The following HMCN2 variants were observed in gnomAD, a reference collection of about 807,000 sequenced individuals.
HMCN2 encodes the protein hemicentin-2.
A neutral mutation model predicts 377.5 loss-of-function variants in HMCN2; 325 were observed. The observed-to-expected ratio is 0.86, with a 90% CI of 0.79 to 0.94. HMCN2 has a LOEUF of 0.94. Ranked by LOEUF, HMCN2 falls within the 40% of genes least tolerant of loss-of-function variation. The probability of loss-of-function intolerance (pLI) is 0.00; values close to 1 mark genes in which losing one functional copy is unlikely to be tolerated. For missense variants in HMCN2, 4,543 were observed against 4,725.3 expected, an observed-to-expected ratio of 0.96 and a Z score of 1.13; for synonymous variants, 2,007 against 2,046.8, an observed-to-expected ratio of 0.98 and a Z score of 0.53.
At chr9:130,331,028 C>T (rs979211681) in intron 22 of HMCN2, among the ~76,000 whole-genome samples, 9 of 149,682 alleles carry the variant, frequency 6.0e-5, no homozygotes, top group Admixed American at 2.7e-4. Context: ...CGTGGTGGTG[C>T]GCGCCTGTAG....
rs1174957055 is a variant in HMCN2 at position 130,423,572 on chromosome 9, CA to C, written c.13381+847del. Among the ~76,000 whole-genome samples, 2 of 152,216 alleles carry C rather than the reference CA, an allele frequency of 1.3e-5. No individual in the cohort carries two copies. The highest frequency in any genetic ancestry group is 2.4e-5 in the African/African-American group (1 of 41,466). Reference sequence around the variant, plus strand: ...GTGGACCAGGCTTTGTTCCATGAAACAGACGCACAGAGAGGCTGGGAAGGTG... The same window carrying C: ...GTGGACCAGGCTTTGTTCCATGAAACGACGCACAGAGAGGCTGGGAAGGTG... On this transcript the variant is annotated intron_variant, in intron 87 of 97. Transcript: ENST00000683500. The surrounding 1 kb of genome is among the most constrained non-coding windows in gnomAD (Gnocchi z 5.5).
intron 94 of HMCN2, 154 bp from the exon 95 acceptor site, chr9:130,430,130 C>T (rs1321179219): frequency 1.6e-5 from 11 of 675,454 alleles, no homozygotes; most frequent in South Asian, 1.4e-4. Flanking sequence ...GGAGTTGGTC[C>T]GGGAGAGGGG....
At chr9:130,283,793 CA>C in intron 1 of HMCN2, among the ~76,000 whole-genome samples, 1 of 152,244 alleles carries the variant, frequency 6.6e-6, no homozygotes, top group East Asian at 1.9e-4. Context: ...GTGAATTTAC[CA>C]GTTTGTTTAT....
intron 82 of HMCN2, chr9:130,406,593 T>C (rs1447013363): frequency 5.2e-6 from 1 of 191,294 alleles, no homozygotes; most frequent in Admixed American, 5.4e-5. Context: ...TTTGCTGAAT[T>C]GATAAATTGC....
rs916668962 is a variant in HMCN2, at chr9:130,403,182, C to T, written c.11879-12C>T. 1.7e-5 allele frequency: 22 copies of T among 1,287,486 alleles called. No homozygotes were observed. The highest frequency in any genetic ancestry group is 4.6e-5 in the Admixed American group (2 of 43,412). The allele number at this position is 1,287,486 out of a possible 1,614,324, so 79.8% of individuals were successfully genotyped here. On this transcript the variant is annotated splice_polypyrimidine_tract_variant and intron_variant, in intron 78 of 97. Coordinates refer to ENST00000683500, the MANE Select transcript of HMCN2 (RefSeq NM_001291815.2). ...ACATTCTCAGGGCCCTCTGCACCCC[C>T]GTCCTTTGTAGCCTCCCCGGTGGTG...
In HMCN2 at chr9:130,299,174, G is replaced by A. The variant is rs1374023059; in HGVS notation, c.1162G>A (p.Gly388Arg). 4 of 471,074 alleles carry A rather than the reference G, an allele frequency of 8.5e-6. No homozygotes were observed. The highest frequency in any genetic ancestry group is 2.0e-5 in the African/African-American group (1 of 50,136). 29.2% of individuals were successfully genotyped at this position (471,074 alleles called of 1,614,324 possible). ...SNGSTHQLWG[G>R]PPFHTPKERF... Reference sequence around the variant, plus strand: ...TGGCTCCACCCATCAGCTGTGGGGCGGGCCGCCCTTCCACACCCCCAAGGA... The same window carrying A: ...TGGCTCCACCCATCAGCTGTGGGGCAGGCCGCCCTTCCACACCCCCAAGGA... The change falls in exon 8 of 98, where the codon GGG (glycine) becomes AGG (arginine). Residue 388 changes from glycine to arginine, a missense_variant. By Grantham distance (125) the Gly-to-Arg change is moderately radical (BLOSUM62 -2). Transcript: ENST00000683500.
rs915260430 is a variant in HMCN2, at chr9:130,407,655, C to T, written c.12638C>T (p.Ala4213Val). Residue 4213 changes from alanine (A) to valine (V), a missense_variant, in exon 83 of 98, where the codon GCG (alanine) becomes GTG (valine). This residue lies in a region of HMCN2 where 1,073 missense variants were observed against 1,319.5 expected (regional missense o/e 0.81). Coordinates refer to ENST00000683500, the MANE Select transcript of HMCN2 (RefSeq NM_001291815.2). ...GACAGCGGGACCTATGTCTGCTGGG[C>T]GGAGAACAGAGTGGGCCGCACGCAG... is the stretch of plus-strand genomic sequence containing the variant. ...REDSGTYVCW[A>V]ENRVGRTQAV... 2.0e-5 allele frequency: 25 copies of T among 1,281,664 alleles called. No individual in the cohort carries two copies. Among genetic ancestry groups the T allele is most frequent in the Admixed American group, 2.3e-5 (1 of 42,730 alleles). The allele number at this position is 1,281,664 out of a possible 1,614,324, so 79.4% of individuals were successfully genotyped here. A position where few individuals can be genotyped will look rare whatever the true frequency, so the allele number is the denominator to read the frequency against.
rs1245022761 is a variant in HMCN2 at position 130,431,377 on chromosome 9, G to A, written c.14658G>A (p.Glu4886=). ...RQNGVCTDLD[E]CRVRNLCQHA... Reference sequence around the variant, plus strand: ...CCATGCCCGGGCCAGACCTTGACGAGTGCCGCGTGAGGAACCTGTGTCAGC... The same window carrying A: ...CCATGCCCGGGCCAGACCTTGACGAATGCCGCGTGAGGAACCTGTGTCAGC... Residue 4886 remains glutamate, a synonymous_variant, in exon 96 of 98, where the codon GAG becomes GAA. Coordinates refer to ENST00000683500, the MANE Select transcript of HMCN2 (RefSeq NM_001291815.2). 6.5e-7 allele frequency: 1 copy of A among 1,549,836 alleles called. No individual in the cohort carries two copies. The highest frequency in any genetic ancestry group is 1.4e-5 in the African/African-American group (1 of 73,152).
intron 41 of HMCN2, among the ~76,000 whole-genome samples, 159 bp from the exon 42 acceptor site, chr9:130,365,472 G>A (rs1173172060): frequency 1.3e-5 from 2 of 152,214 alleles, no homozygotes; most frequent in Admixed American, 1.3e-4. Context: ...GAAACTTCCC[G>A]GTGCAGCTGG....
In HMCN2 at chr9:130,384,483, T is replaced by A; in HGVS notation, c.8941T>A (p.Tyr2981Asn). The A allele has an allele frequency of 7.7e-7, 1 of 1,304,236 alleles. No homozygotes were observed. The highest frequency in any genetic ancestry group is 1.0e-6 in the Non-Finnish European group (1 of 988,950). The allele number at this position is 1,304,236 out of a possible 1,614,324, so 80.8% of individuals were successfully genotyped here. A position where few individuals can be genotyped will look rare whatever the true frequency, so the allele number is the denominator to read the frequency against. Residue 2981 changes from tyrosine (Y) to asparagine (N), a missense_variant, in exon 58 of 98, where the codon TAC becomes AAC. This residue lies in a region of HMCN2 where 736 missense variants were observed against 773.2 expected (regional missense o/e 0.95). Transcript: ENST00000683500. Reference protein sequence around the residue: ...HAHPNPEVTWYKDSQALSLGE... With the variant: ...HAHPNPEVTWNKDSQALSLGE... ...TCACCCAAACCCCGAGGTCACGTGG[T>A]ACAAGGACAGCCAGGCCCTCTCCCT...
rs578028480 is a variant in HMCN2, at chr9:130,408,701, C to T, written c.12689-42C>T. On this transcript the variant is annotated intron_variant, in intron 83 of 97. Coordinates refer to ENST00000683500, the MANE Select transcript of HMCN2 (RefSeq NM_001291815.2). The stretch of plus-strand genomic sequence containing the variant: ...GTTTATGGGAGGCTGAGCCAGCAGG[C>T]AACCTCTTTTCTGACAACTTGCTCG... 4.4e-5 allele frequency: 55 copies of T among 1,262,520 alleles called. No homozygotes were observed. The East Asian group carries it at 2.0e-3, about 47-fold the overall frequency. The allele number at this position is 1,262,520 out of a possible 1,614,324, so 78.2% of individuals were successfully genotyped here.
At chr9:130,373,205 C>T (rs2131603879) in intron 48 of HMCN2, 81 bp downstream of exon 48, 1 of 394,150 alleles carries the variant, frequency 2.5e-6, no homozygotes, top group Non-Finnish European at 3.5e-6. Flanking sequence ...GGGGATCTGC[C>T]CACCTGCCCC....
chr9:130,265,871 C>T lies in HMCN2; in HGVS notation c.-8C>T, dbSNP rs1834062203. 2.9e-6 allele frequency: 1 copy of T among 349,172 alleles called. No homozygotes were observed. Among genetic ancestry groups the T allele is most frequent in the Non-Finnish European group, 5.6e-6 (1 of 178,960 alleles). 21.6% of individuals were successfully genotyped at this position (349,172 alleles called of 1,614,324 possible). ...ACCGCAGCACCCGCAGCCAGAGCCGCGCTCGGCATGATGCCCGGGGCGCCG... is the reference window on the plus strand; with the variant it reads ...ACCGCAGCACCCGCAGCCAGAGCCGTGCTCGGCATGATGCCCGGGGCGCCG... On this transcript the variant is annotated 5_prime_UTR_variant, in exon 1 of 98. Transcript: ENST00000683500.
At chr9:130,417,553 G>C (rs1295745132) in intron 85 of HMCN2, among the ~76,000 whole-genome samples, 1 of 150,550 alleles carries the variant, frequency 6.6e-6, no homozygotes, top group Non-Finnish European at 1.5e-5. Context: ...AAAAACGAGA[G>C]AGACAGAGAG....
At position 130,428,499 on chromosome 9, in the gene HMCN2, G is replaced by T. The variant is rs770838011; in HGVS notation, c.14197+10G>T. On this transcript the variant is annotated intron_variant, in intron 93 of 97. Coordinates refer to ENST00000683500, the MANE Select transcript of HMCN2 (RefSeq NM_001291815.2). The surrounding 1 kb of genome is among the most constrained non-coding windows in gnomAD (Gnocchi z 5.0). ...GGGGCCGGCTGTGAAGGTGATGGGGGCACAGCATGCGGCCTGTCCATACTC... is the reference window on the plus strand; with the variant it reads ...GGGGCCGGCTGTGAAGGTGATGGGGTCACAGCATGCGGCCTGTCCATACTC... 16 of 1,538,084 alleles carry T rather than the reference G, an allele frequency of 1.0e-5. No individual in the cohort carries two copies. The South Asian group carries it at 1.8e-4, about 17-fold the overall frequency.
In HMCN2 at chr9:130,393,373, G is replaced by GC; in HGVS notation, c.10234+70dup. 2 of 957,328 alleles carry GC rather than the reference G, an allele frequency of 2.1e-6. No homozygotes were observed. The highest frequency in any genetic ancestry group is 5.7e-5 in the Admixed American group (1 of 17,428). The allele number at this position is 957,328 out of a possible 1,614,324, so 59.3% of individuals were successfully genotyped here. On this transcript the variant is annotated intron_variant, in intron 67 of 97. Coordinates refer to ENST00000683500, the MANE Select transcript of HMCN2 (RefSeq NM_001291815.2). The surrounding 1 kb of genome is among the most constrained non-coding windows in gnomAD (Gnocchi z 5.2). ...TGGTGGGTGAGAATCAAGGCCCTTG[G>GC]CCCCCCTGCCCTTCTGGGTGGAACC...
At chr9:130,330,216 C>T (rs987687081) in intron 22 of HMCN2, among the ~76,000 whole-genome samples, 5 of 152,172 alleles carry the variant, frequency 3.3e-5, no homozygotes, top group African/African-American at 4.8e-5. Context: ...CCTCTCCCCC[C>T]TCCCCTGCTC....
Position 130,355,811 on chromosome 9 carries a change from G to T in HMCN2, c.5212G>T (p.Glu1738Ter). 3 of 1,303,922 alleles carry T rather than the reference G, an allele frequency of 2.3e-6. No homozygotes were observed. Among genetic ancestry groups the T allele is most frequent in the Non-Finnish European group, 3.0e-6 (3 of 988,944 alleles). The allele number at this position is 1,303,922 out of a possible 1,614,324, so 80.8% of individuals were successfully genotyped here. A position where few individuals can be genotyped will look rare whatever the true frequency, so the allele number is the denominator to read the frequency against. The change falls in exon 33 of 98, where the codon GAA (glutamate) becomes TAA (stop). Residue 1738 changes from glutamate (E) to a stop codon, truncating the protein, a stop_gained. Transcript: ENST00000683500. LOFTEE classifies it high-confidence loss of function. ...QVTTIVGQPLELPCQASGSPV... is the reference protein window; with the variant it reads ...QVTTIVGQPL ...GACCACCATCGTGGGACAGCCCCTG[G>T]AACTTCCCTGCCAGGCCTCAGGCTC...
chr9:130,311,807 G>A (rs960406347), intron 15 of HMCN2, among the ~76,000 whole-genome samples: 13 of 152,232 alleles, frequency 8.5e-5, no homozygotes, highest in South Asian at 4.1e-4. Flanking sequence ...GTCACTCCCC[G>A]CCTGGGGAGC....
Sources: gnomAD v4.1 joint callset for allele counts (sites outside exome capture counted in the v4.1 genomes callset) on GRCh38, gnomAD v4.1.1 for gene constraint, gnomAD v4.1.1 regional missense constraint, Gnocchi (gnomAD v3.1) non-coding constraint, MANE v1.5 for transcripts, NCBI Gene and HGNC (gene_info 2026-07-23, HGNC 2026-07-21) for gene names.